Variants in UBL3 observed in about 807,000 individuals in gnomAD.
UBL3 encodes the protein ubiquitin like 3.
A neutral mutation model predicts 18.4 loss-of-function variants in UBL3; 6 were observed. The observed-to-expected ratio is 0.33, with a 90% CI of 0.18 to 0.64. The LOEUF (loss-of-function observed/expected upper bound fraction) is 0.64. UBL3 is among the 30% of genes least tolerant of loss of function. The pLI, the probability that UBL3 is intolerant of heterozygous loss-of-function variation, is 0.76. For synonymous variants in UBL3, 49 were observed against 46.6 expected (o/e 1.05, Z -0.21); for missense variants, 109 against 142.9 (o/e 0.76, Z 1.21).
At chr13:29,781,532 A>C (rs1353598666) in intron 1 of UBL3, among the ~76,000 whole-genome samples, 2 of 152,078 alleles carry the variant, frequency 1.3e-5, no homozygotes, top group Non-Finnish European at 2.9e-5. Context: ...AATATAAATG[A>C]TTTTCTTAAG....
At chr13:29,845,275 T>C (rs1879201331) in intron 1 of UBL3, among the ~76,000 whole-genome samples, 1 of 152,102 alleles carries the variant, frequency 6.6e-6, no homozygotes, top group African/African-American at 2.4e-5. Flanking sequence ...ATAGGAGACA[T>C]TCAAGTAAAA....
chr13:29,820,136 A>C (rs1179134494), intron 1 of UBL3, among the ~76,000 whole-genome samples: 1 of 150,838 alleles, frequency 6.6e-6, no homozygotes, highest in African/African-American at 2.4e-5. Flanking sequence ...ATGTATCAGA[A>C]ATTAGAATCC....
chr13:29,841,637 G>A (rs1206241901), intron 1 of UBL3, among the ~76,000 whole-genome samples: 1 of 152,174 alleles, frequency 6.6e-6, no homozygotes, highest in Non-Finnish European at 1.5e-5. Context: ...GTATTGGGAA[G>A]GAATCTAAGG....
chr13:29,812,631 A>C (rs1878123019), intron 1 of UBL3, among the ~76,000 whole-genome samples: 1 of 151,994 alleles, frequency 6.6e-6, no homozygotes, highest in Non-Finnish European at 1.5e-5. Context: ...ATTAATTTAA[A>C]TTTAAAAATT....
intron 1 of UBL3, among the ~76,000 whole-genome samples, chr13:29,785,805 T>C (rs1002381050): frequency 1.3e-5 from 2 of 152,152 alleles, no homozygotes; most frequent in African/African-American, 4.8e-5. Flanking sequence ...CTCATAACCT[T>C]GAAGCTATGA....
At chr13:29,780,367 A>AAAAAAAAAAAATAT (rs1359464345) in intron 1 of UBL3, among the ~76,000 whole-genome samples, 186 of 103,226 alleles carry the variant, frequency 1.8e-3, no homozygotes, top group African/African-American at 4.8e-3. Context: ...AAAAAAAAAA[A>AAAAAAAAAAAATAT]ATATATATAT....
chr13:29,772,132 T>C lies in UBL3; in HGVS notation c.203A>G (p.His68Arg). The change falls in exon 3 of 5, where the codon CAT becomes CGT. Residue 68 changes from histidine to arginine, a missense_variant. Coordinates refer to ENST00000380680, the MANE Select transcript of UBL3 (RefSeq NM_007106.4). ...LRLIYQGRFL[H>R]GNVTLGALKL... ...GTTACCTCCTAATGTGACATTTCCA[T>C]GTAGAAATCGTCCTTGATAAATAAG... The C allele has an allele frequency of 6.2e-7, 1 of 1,611,830 alleles. No individual in the cohort carries two copies.
chr13:29,788,008 T>A (rs1398059904), intron 1 of UBL3, among the ~76,000 whole-genome samples: 1 of 152,118 alleles, frequency 6.6e-6, no homozygotes, highest in Non-Finnish European at 1.5e-5. Context: ...ATGGTGGAAG[T>A]TTTTTGGATA....
intron 1 of UBL3, among the ~76,000 whole-genome samples, chr13:29,833,341 A>G (rs1878831585): frequency 1.3e-5 from 2 of 152,324 alleles, no homozygotes; most frequent in Middle Eastern, 3.4e-3. Context: ...TATTAGAGAA[A>G]AATGATTGGC....
chr13:29,828,296 C>A (rs958441513), intron 1 of UBL3, among the ~76,000 whole-genome samples: 1 of 152,148 alleles, frequency 6.6e-6, no homozygotes, highest in Non-Finnish European at 1.5e-5. Context: ...TTCCATTCTC[C>A]CCATCACTTT....
chr13:29,817,514 G>C (rs968193530), intron 1 of UBL3, among the ~76,000 whole-genome samples: 4 of 152,078 alleles, frequency 2.6e-5, no homozygotes, highest in Admixed American at 1.3e-4. Flanking sequence ...ATGGGTCAGG[G>C]GAGGAACAGG....
chr13:29,824,977 T>C (rs537591703), intron 1 of UBL3, among the ~76,000 whole-genome samples: 1 of 152,248 alleles, frequency 6.6e-6, no homozygotes, highest in African/African-American at 2.4e-5. Context: ...CTTTCCCCAT[T>C]TCTTGCTTTT....
intron 1 of UBL3, among the ~76,000 whole-genome samples, chr13:29,835,115 T>TAAAA (rs796349668): frequency 3.9e-5 from 1 of 25,832 alleles, no homozygotes; most frequent in Non-Finnish European, 5.7e-5. Flanking sequence ...TAAATATATA[T>TAAAA]ATATATATAA....
chr13:29,777,344 A>G (rs1309801531), intron 1 of UBL3, 81 bp from the exon 2 acceptor site: 1 of 1,089,810 alleles, frequency 9.2e-7, no homozygotes, highest in Non-Finnish European at 1.3e-6. Flanking sequence ...TTTTCATTTC[A>G]ATCACATCCT....
At chr13:29,829,774 C>T (rs896398312) in intron 1 of UBL3, among the ~76,000 whole-genome samples, 17 of 152,170 alleles carry the variant, frequency 1.1e-4, no homozygotes, top group African/African-American at 1.4e-4. Flanking sequence ...CCATCTTCTG[C>T]GTCGCTCAGG....
chr13:29,830,003 A>G (rs1878734170), intron 1 of UBL3, among the ~76,000 whole-genome samples: 1 of 152,176 alleles, frequency 6.6e-6, no homozygotes. Context: ...TCTTTGTAAT[A>G]ATCTGATGTG....
At chr13:29,826,313 A>T (rs953328935) in intron 1 of UBL3, among the ~76,000 whole-genome samples, 1 of 152,186 alleles carries the variant, frequency 6.6e-6, no homozygotes, top group Non-Finnish European at 1.5e-5. Flanking sequence ...TTCGGCTGCG[A>T]ATTTGGCTAG....
At chr13:29,813,066 C>T (rs1207858206) in intron 1 of UBL3, among the ~76,000 whole-genome samples, 1 of 152,004 alleles carries the variant, frequency 6.6e-6, no homozygotes, top group Non-Finnish European at 1.5e-5. Flanking sequence ...ATTACATTTA[C>T]TTGGAGAGAA....
chr13:29,826,512 T>C (rs1184295156), intron 1 of UBL3, among the ~76,000 whole-genome samples: 4 of 152,224 alleles, frequency 2.6e-5, no homozygotes, highest in African/African-American at 9.7e-5. Context: ...TCTCTGATGG[T>C]AGTTTGTATT....
Sources: gnomAD v4.1 joint callset for allele counts (sites outside exome capture counted in the v4.1 genomes callset) on GRCh38, gnomAD v4.1.1 for gene constraint, MANE v1.5 for transcripts, NCBI Gene and HGNC (gene_info 2026-07-23, HGNC 2026-07-21) for gene names.